The following NDUFA9 variants were observed in gnomAD, a reference collection of about 807,000 sequenced individuals.
NDUFA9 encodes NADH:ubiquinone oxidoreductase subunit A9.
NDUFA9 carries 23 observed loss-of-function variants against 45.9 expected under a neutral mutation model. That is an observed-to-expected ratio of 0.50 (90% CI 0.36 to 0.71). NDUFA9 has a LOEUF of 0.71. Ranked by LOEUF, NDUFA9 falls within the 30% of genes least tolerant of loss-of-function variation. The pLI is 0.00. For synonymous variants in NDUFA9, 176 were observed against 170.5 expected (o/e 1.03, Z -0.25); for missense variants, 466 against 488.2 (o/e 0.95, Z 0.43).
intron 6 of NDUFA9, among the ~76,000 whole-genome samples, chr12:4,663,879 T>C (rs1945838005): frequency 6.6e-6 from 1 of 152,130 alleles, no homozygotes; most frequent in Admixed American, 6.5e-5. Context: ...GTGATTTTTG[T>C]AAGGTCTCAG....
chr12:4,667,885 C>T (rs906807661), intron 6 of NDUFA9, among the ~76,000 whole-genome samples: 2 of 151,908 alleles, frequency 1.3e-5, no homozygotes, highest in Non-Finnish European at 2.9e-5. Context: ...TTTAACCTAA[C>T]ATTTAAACTA....
chr12:4,667,047 A>G (rs1048749792), intron 6 of NDUFA9, among the ~76,000 whole-genome samples: 3 of 152,196 alleles, frequency 2.0e-5, no homozygotes, highest in African/African-American at 4.8e-5. Context: ...TTTATTTCCA[A>G]CAGTTCTGGA....
chr12:4,685,586 C>G (rs1395918747), intron 10 of NDUFA9, among the ~76,000 whole-genome samples: 1 of 152,114 alleles, frequency 6.6e-6, no homozygotes, highest in Non-Finnish European at 1.5e-5. Flanking sequence ...AATAGCTCCC[C>G]TGCCAAAGCC....
chr12:4,691,416 A>G lies in NDUFA9; in HGVS notation c.*4308A>G, dbSNP rs1366971259. ...GGACTTATAGAAGGTAAATTGCCCC[A>G]TTAGTAAGTAGCTGAATTGGTTTTC... On this transcript the variant is annotated 3_prime_UTR_variant, in exon 11 of 11. Transcript: ENST00000266544. 2 of 152,236 alleles carry G rather than the reference A, an allele frequency of 1.3e-5. No individual in the cohort carries two copies. Among genetic ancestry groups the G allele is most frequent in the Non-Finnish European group, 2.9e-5 (2 of 68,044 alleles). The allele number at this position is 152,236 out of a possible 1,614,324, so 9.4% of individuals were successfully genotyped here. A position where few individuals can be genotyped will look rare whatever the true frequency, so the allele number is the denominator to read the frequency against.
chr12:4,662,507 A>C, intron 5 of NDUFA9, 26 bp from the exon 6 acceptor site: 1 of 1,574,794 alleles, frequency 6.4e-7, no homozygotes, highest in Middle Eastern at 1.7e-4. Flanking sequence ...CTAAACTCAA[A>C]ACAGGTTTGT....
chr12:4,663,514 A>G (rs1426289356), intron 6 of NDUFA9, among the ~76,000 whole-genome samples: 1 of 152,144 alleles, frequency 6.6e-6, no homozygotes, highest in Non-Finnish European at 1.5e-5. Flanking sequence ...GCAAAAAGAG[A>G]GATCTCTCTC....
intron 8 of NDUFA9, among the ~76,000 whole-genome samples, chr12:4,676,988 A>G (rs536569840): frequency 6.6e-6 from 1 of 152,332 alleles, no homozygotes; most frequent in South Asian, 2.1e-4. Context: ...GGGCTCAGAA[A>G]TAATGCCACA....
At chr12:4,663,007 CCA>C (rs1320992792) in intron 6 of NDUFA9, among the ~76,000 whole-genome samples, 1 of 152,178 alleles carries the variant, frequency 6.6e-6, no homozygotes, top group Non-Finnish European at 1.5e-5. Flanking sequence ...CCCCAGACAA[CCA>C]CTGATCTTTT....
chr12:4,665,805 G>A (rs1945850159), intron 6 of NDUFA9, among the ~76,000 whole-genome samples: 1 of 148,898 alleles, frequency 6.7e-6, no homozygotes, highest in Non-Finnish European at 1.5e-5. Flanking sequence ...TTCATTGTGT[G>A]TGGTTTTTTT....
intron 8 of NDUFA9, among the ~76,000 whole-genome samples, chr12:4,671,775 T>G (rs1945888598): frequency 6.6e-6 from 1 of 152,206 alleles, no homozygotes; most frequent in South Asian, 2.1e-4. Context: ...ACAATTGATT[T>G]TTGAAAAAGG....
Position 4,680,462 on chromosome 12 carries a change from G to A in NDUFA9, c.801-1743G>A, listed in dbSNP as rs181536296. 5.3e-5 allele frequency among the ~76,000 whole-genome samples: 8 copies of A among 152,192 alleles called. No homozygotes were observed. The South Asian group carries it at 6.2e-4, about 12-fold the overall frequency. On this transcript the variant is annotated intron_variant, in intron 8 of 10. Coordinates refer to ENST00000266544, the MANE Select transcript of NDUFA9 (RefSeq NM_005002.5). ...CTTGAAATCTAAGCTGGGAGGATGC[G>A]GGCTTCAATGTACCTTTGGCTGTGA...
chr12:4,660,287 A>AT (rs1336541097), intron 5 of NDUFA9, among the ~76,000 whole-genome samples: 1 of 152,178 alleles, frequency 6.6e-6, no homozygotes, highest in African/African-American at 2.4e-5. Flanking sequence ...CAGCACCAGT[A>AT]TTTTTTAACT....
At chr12:4,657,872 A>C (rs1292806360) in intron 4 of NDUFA9, 33 bp downstream of exon 4, 1 of 1,542,974 alleles carries the variant, frequency 6.5e-7, no homozygotes, top group Non-Finnish European at 9.0e-7. Context: ...TTCTTTGCTT[A>C]AGTCTTTCTT....
chr12:4,673,091 G>GATACCCAGCCTCTGCTA (rs1219449016), intron 8 of NDUFA9, among the ~76,000 whole-genome samples: 1 of 152,186 alleles, frequency 6.6e-6, no homozygotes, highest in African/African-American at 2.4e-5. Context: ...AGGCAAACAG[G>GATACCCAGCCTCTGCTA]GTCTGGTGTG....
At chr12:4,685,734 T>C (rs1192763200) in intron 10 of NDUFA9, among the ~76,000 whole-genome samples, 1 of 152,120 alleles carries the variant, frequency 6.6e-6, no homozygotes, top group African/African-American at 2.4e-5. Context: ...CCAGTCAGGC[T>C]TTTATTCCCA....
rs1456411388 is a variant in NDUFA9 at position 4,692,840 on chromosome 12, G to A, written c.*5732G>A. On this transcript the variant is annotated 3_prime_UTR_variant, in exon 11 of 11. Coordinates refer to ENST00000266544, the MANE Select transcript of NDUFA9 (RefSeq NM_005002.5). ...TGAGTCCATTTTGTATTGCCATAAAGGAGTACCTGAAGCTGGGTAATTAAT... is the reference window on the plus strand; with the variant it reads ...TGAGTCCATTTTGTATTGCCATAAAAGAGTACCTGAAGCTGGGTAATTAAT... 1.3e-5 allele frequency: 2 copies of A among 152,758 alleles called. No homozygotes were observed. The allele number at this position is 152,758 out of a possible 1,614,324, so 9.5% of individuals were successfully genotyped here.
intron 8 of NDUFA9, among the ~76,000 whole-genome samples, chr12:4,673,388 T>G (rs997073811): frequency 8.6e-5 from 13 of 151,204 alleles, no homozygotes; most frequent in Non-Finnish European, 1.9e-4. Context: ...TTGACAGAAG[T>G]AGGCATGTTC....
At chr12:4,671,558 C>T (rs773161206) in intron 8 of NDUFA9, among the ~76,000 whole-genome samples, 4 of 152,010 alleles carry the variant, frequency 2.6e-5, no homozygotes, top group Admixed American at 6.6e-5. Context: ...TTAATTCTAT[C>T]GAAATTCCAA....
rs576233168 is a variant in NDUFA9, at chr12:4,678,513, CAAGTCACAGATTGGGGGAA to C, written c.801-3689_801-3671del. Among the ~76,000 whole-genome samples the C allele has an allele frequency of 1.3e-4, 19 of 151,994 alleles. No individual in the cohort carries two copies. In the East Asian group the frequency reaches 1.4e-3, roughly 11 times the overall value. On this transcript the variant is annotated intron_variant, in intron 8 of 10. Coordinates refer to ENST00000266544, the MANE Select transcript of NDUFA9 (RefSeq NM_005002.5). ...AGACACCATTAAGAAAATGAAAAAA[CAAGTCACAGATTGGGGGAA>C]AATATTTGTTAATTACATATCTGAT...
Sources: gnomAD v4.1 joint callset for allele counts (sites outside exome capture counted in the v4.1 genomes callset) on GRCh38, gnomAD v4.1.1 for gene constraint, MANE v1.5 for transcripts, NCBI Gene and HGNC (gene_info 2026-07-23, HGNC 2026-07-21) for gene names.